GPHN: variants seen among roughly 807,000 people sequenced by gnomAD.
The protein encoded by GPHN is gephyrin.
A neutral mutation model predicts 95.5 loss-of-function variants in GPHN; 17 were observed. That is an observed-to-expected ratio of 0.18 (90% CI 0.12 to 0.27). The LOEUF (loss-of-function observed/expected upper bound fraction) is 0.27, where lower values mean the gene tolerates loss of function less well. Ranked by LOEUF, GPHN falls within the 10% of genes least tolerant of loss-of-function variation. The pLI is 1.00. For synonymous variants in GPHN, 320 were observed against 322.5 expected (o/e 0.99, Z 0.08); for missense variants, 660 against 978.1 (o/e 0.67, Z 4.34).
Position 67,069,161 on chromosome 14 carries a change from G to A in GPHN, c.1144+10375G>A, listed in dbSNP as rs148584273. ...CCCTCCTATGCAAAATGGAAATAAT[G>A]TCTACCCAATGTAGGGTTATTGTAG... is the stretch of plus-strand genomic sequence containing the variant. On this transcript the variant is annotated intron_variant, in intron 11 of 22. Transcript: ENST00000478722. Among the ~76,000 whole-genome samples the A allele has an allele frequency of 5.9e-5, 9 of 152,276 alleles. No homozygotes were observed. In the East Asian group the frequency reaches 1.7e-3, roughly 29 times the overall value.
At chr14:67,462,586 C>T in the GPHN span, among the ~76,000 whole-genome samples, 1 of 152,202 alleles carries the variant, frequency 6.6e-6, no homozygotes, top group South Asian at 2.1e-4. Context: ...TCAGGCAATC[C>T]TCCCACCTCA....
At chr14:66,582,854 T>C (rs1400836136) in intron 1 of GPHN, among the ~76,000 whole-genome samples, 1 of 152,174 alleles carries the variant, frequency 6.6e-6, no homozygotes, top group African/African-American at 2.4e-5. Context: ...TACATGTGCA[T>C]GTGTCTTTAT....
At chr14:67,041,402 G>A (rs2074698085) in intron 10 of GPHN, among the ~76,000 whole-genome samples, 1 of 148,280 alleles carries the variant, frequency 6.7e-6, no homozygotes, top group Non-Finnish European at 1.5e-5. Flanking sequence ...GGTGTGTGAT[G>A]TTCCCCTTCC....
the GPHN span, among the ~76,000 whole-genome samples, chr14:67,361,727 A>G: frequency 3.3e-4 from 50 of 152,342 alleles, no homozygotes; most frequent in African/African-American, 1.1e-3. Flanking sequence ...AAGGTGGCTG[A>G]TACTTTTTAC....
At chr14:67,251,041 CAG>C in the GPHN span, among the ~76,000 whole-genome samples, 1 of 152,132 alleles carries the variant, frequency 6.6e-6, no homozygotes. Context: ...AATTGAGGCT[CAG>C]AGAGATTAAA....
intron 10 of GPHN, among the ~76,000 whole-genome samples, chr14:67,033,661 T>C (rs540720656): frequency 1.3e-5 from 2 of 151,490 alleles, no homozygotes; most frequent in African/African-American, 2.4e-5. Flanking sequence ...ACCAAACTTA[T>C]TTGAAGAAAT....
At chr14:66,994,801 A>G (rs1466305199) in intron 9 of GPHN, among the ~76,000 whole-genome samples, 1 of 152,230 alleles carries the variant, frequency 6.6e-6, no homozygotes, top group African/African-American at 2.4e-5. Context: ...AGAATTTACC[A>G]TATTTTCAAA....
At chr14:66,767,274 A>G (rs1335613155) in intron 2 of GPHN, among the ~76,000 whole-genome samples, 1 of 151,946 alleles carries the variant, frequency 6.6e-6, no homozygotes, top group South Asian at 2.1e-4. Context: ...CTAAGGAAGG[A>G]CAATGGGCTG....
At chr14:67,142,917 A>C (rs1223744255) in intron 17 of GPHN, 1 of 218,348 alleles carries the variant, frequency 4.6e-6, no homozygotes, top group African/African-American at 2.3e-5. Context: ...AATCCAGCTC[A>C]TTTCTCAGGG....
chr14:66,553,738 G>A (rs1406887702), intron 1 of GPHN, among the ~76,000 whole-genome samples: 3 of 152,020 alleles, frequency 2.0e-5, no homozygotes, highest in East Asian at 3.9e-4. Context: ...CACCACGCCC[G>A]CCTAATTTTT....
Position 67,122,236 on chromosome 14 carries a change from G to A in GPHN, c.1627-20G>A, listed in dbSNP as rs113201928. 1.2e-6 allele frequency: 2 copies of A among 1,612,088 alleles called. No individual in the cohort carries two copies. Among genetic ancestry groups the A allele is most frequent in the East Asian group, 2.2e-5 (1 of 44,822 alleles). The stretch of plus-strand genomic sequence containing the variant: ...CATTAACCTAATAGAATAATTTGTG[G>A]TGGTTTTTTGGCTTTGTAGCTGCTA... On this transcript the variant is annotated intron_variant, in intron 16 of 22. Transcript: ENST00000478722.
chr14:66,926,516 C>T (rs1220151678), intron 8 of GPHN, among the ~76,000 whole-genome samples: 1 of 152,068 alleles, frequency 6.6e-6, no homozygotes, highest in Non-Finnish European at 1.5e-5. Context: ...CTGTCCTTTC[C>T]CCAATGTATG....
chr14:66,808,520 A>G (rs1283787043), intron 3 of GPHN, among the ~76,000 whole-genome samples: 1 of 152,222 alleles, frequency 6.6e-6, no homozygotes, highest in East Asian at 1.9e-4. Context: ...AATATTTTAG[A>G]CCAGGCGCGG....
chr14:67,679,136 A>G, the GPHN span, among the ~76,000 whole-genome samples: 1 of 152,198 alleles, frequency 6.6e-6, no homozygotes, highest in South Asian at 2.1e-4. Flanking sequence ...AACAAGATGG[A>G]AGGCATGACA....
At chr14:67,350,756 T>C in the GPHN span, 1 of 1,418,690 alleles carries the variant, frequency 7.0e-7, no homozygotes, top group African/African-American at 1.4e-5. Context: ...CCATCATAAT[T>C]ATGTTCCTTT....
chr14:67,059,013 G>GA (rs2075719047), intron 11 of GPHN: 94 of 403,908 alleles, frequency 2.3e-4, no homozygotes, highest in South Asian at 4.7e-4. Flanking sequence ...ATTAAAAAAA[G>GA]GAAAAAAAAA....
chr14:66,648,278 A>C (rs1444549678), intron 1 of GPHN, among the ~76,000 whole-genome samples: 2 of 152,172 alleles, frequency 1.3e-5, no homozygotes, highest in South Asian at 4.1e-4. Flanking sequence ...ATGTTAGTCA[A>C]AGAAGCCCTG....
At chr14:66,614,708 C>G (rs1245312579) in intron 1 of GPHN, among the ~76,000 whole-genome samples, 1 of 151,410 alleles carries the variant, frequency 6.6e-6, no homozygotes, top group Non-Finnish European at 1.5e-5. Flanking sequence ...CATGATTAAA[C>G]TTCAAGATGT....
At chr14:67,306,337 T>C in the GPHN span, among the ~76,000 whole-genome samples, 2 of 151,936 alleles carry the variant, frequency 1.3e-5, no homozygotes, top group African/African-American at 4.8e-5. Flanking sequence ...TTTTCCTTCT[T>C]TTCTCTTTTG....
Sources: gnomAD v4.1 joint callset for allele counts (sites outside exome capture counted in the v4.1 genomes callset) on GRCh38, gnomAD v4.1.1 for gene constraint, MANE v1.5 for transcripts, NCBI Gene and HGNC (gene_info 2026-07-23, HGNC 2026-07-21) for gene names.